Variants in SSBP2 observed in about 807,000 individuals in gnomAD.
The protein encoded by SSBP2 is single stranded DNA binding protein 2.
Under a neutral mutation model 61.8 loss-of-function variants are expected in SSBP2, and 17 were observed. That is an observed-to-expected ratio of 0.28 (90% CI 0.19 to 0.41). The LOEUF (loss-of-function observed/expected upper bound fraction) is 0.41, where lower values mean the gene tolerates loss of function less well. Among genes scored for constraint, SSBP2 ranks in the 10% least tolerant of loss-of-function variants. SSBP2 has a pLI of 1.00. For missense variants in SSBP2, 310 were observed against 458.7 expected, an observed-to-expected ratio of 0.68 and a Z score of 2.96; for synonymous variants, 139 against 141.3, an observed-to-expected ratio of 0.98 and a Z score of 0.12.
At chr5:81,637,663 C>G (rs433118) in intron 2 of SSBP2, among the ~76,000 whole-genome samples, 38,965 of 151,958 alleles carry the variant, frequency 0.26, 6,426 homozygotes, top group East Asian at 0.64. Flanking sequence ...TAATAGTCAC[C>G]TATATCACAA....
chr5:81,591,799 T>C (rs1163205597), intron 4 of SSBP2, among the ~76,000 whole-genome samples: 3 of 151,916 alleles, frequency 2.0e-5, no homozygotes, highest in Non-Finnish European at 2.9e-5. Flanking sequence ...TACAGGACAA[T>C]AGCAAACAGC....
chr5:81,677,423 C>A (rs1390184374), intron 1 of SSBP2, among the ~76,000 whole-genome samples: 6 of 151,984 alleles, frequency 3.9e-5, no homozygotes, highest in Non-Finnish European at 8.8e-5. Flanking sequence ...AACAAAAAAC[C>A]CTGAGCAGAA....
chr5:81,572,230 G>C (rs1042665355), intron 4 of SSBP2, among the ~76,000 whole-genome samples: 4 of 152,126 alleles, frequency 2.6e-5, no homozygotes, highest in African/African-American at 7.2e-5. Context: ...CTGAGTAATT[G>C]TAAGAATGTT....
chr5:81,628,941 T>G (rs1489077879), intron 3 of SSBP2, among the ~76,000 whole-genome samples: 1 of 152,150 alleles, frequency 6.6e-6, no homozygotes, highest in African/African-American at 2.4e-5. Flanking sequence ...TTCACCAACT[T>G]TTCCCCCGAG....
chr5:81,704,116 A>T (rs1182411053), intron 1 of SSBP2, among the ~76,000 whole-genome samples: 1 of 152,204 alleles, frequency 6.6e-6, no homozygotes, highest in Non-Finnish European at 1.5e-5. Flanking sequence ...AATGAGGTAC[A>T]GGGTTGGGGA....
rs1172082547 is a variant in SSBP2, at chr5:81,418,546, A to C, written c.*1958T>G. 1 of 152,236 alleles carries C rather than the reference A, an allele frequency of 6.6e-6. No homozygotes were observed. Among genetic ancestry groups the C allele is most frequent in the South Asian group, 2.1e-4 (1 of 4,832 alleles). 9.4% of individuals were successfully genotyped at this position (152,236 alleles called of 1,614,324 possible). On this transcript the variant is annotated 3_prime_UTR_variant, in exon 17 of 17. Coordinates refer to ENST00000320672, the MANE Select transcript of SSBP2 (RefSeq NM_012446.5). Reference sequence around the variant, plus strand: ...ATATGTTACTTAATGATAAGTATACATTCTGAGAAATGCATTGTCAGGCAA... The same window carrying C: ...ATATGTTACTTAATGATAAGTATACCTTCTGAGAAATGCATTGTCAGGCAA...
chr5:81,554,813 C>T (rs940181609), intron 4 of SSBP2, among the ~76,000 whole-genome samples: 1 of 151,982 alleles, frequency 6.6e-6, no homozygotes, highest in Admixed American at 6.6e-5. Context: ...TAATAAATAC[C>T]ATTCATGATG....
Position 81,508,107 on chromosome 5 carries a change from A to C in SSBP2, c.372+5521T>G, listed in dbSNP as rs1002566573. Among the ~76,000 whole-genome samples the C allele has an allele frequency of 5.9e-5, 9 of 152,296 alleles. No homozygotes were observed. The East Asian group carries it at 1.5e-3, about 26-fold the overall frequency. On this transcript the variant is annotated intron_variant, in intron 5 of 16. Transcript: ENST00000320672. ...TCTTAGCATACAATGAAATCTTTGA[A>C]TAAGACAGAGATATAAAAGAGTAAA...
intron 1 of SSBP2, among the ~76,000 whole-genome samples, chr5:81,701,775 T>G (rs1753999704): frequency 1.3e-5 from 2 of 152,168 alleles, no homozygotes; most frequent in Non-Finnish European, 2.9e-5. Context: ...GGACTGAACA[T>G]AATTATTTAC....
chr5:81,653,825 A>G (rs1435920765), intron 1 of SSBP2, among the ~76,000 whole-genome samples: 2 of 151,820 alleles, frequency 1.3e-5, no homozygotes, highest in Non-Finnish European at 2.9e-5. Context: ...TTCTTTGTAG[A>G]TTCTATATAT....
At chr5:81,556,620 T>C (rs1400217670) in intron 4 of SSBP2, among the ~76,000 whole-genome samples, 1 of 152,142 alleles carries the variant, frequency 6.6e-6, no homozygotes, top group Non-Finnish European at 1.5e-5. Context: ...TTACTTTTAC[T>C]ATGGATCCTA....
At chr5:81,750,140 C>A (rs950251685) in intron 1 of SSBP2, among the ~76,000 whole-genome samples, 1 of 152,016 alleles carries the variant, frequency 6.6e-6, no homozygotes, top group African/African-American at 2.4e-5. Context: ...ACGCCAGCCT[C>A]CTCCAGCGGA....
chr5:81,426,750 C>A (rs1761977681), intron 16 of SSBP2, among the ~76,000 whole-genome samples: 1 of 152,166 alleles, frequency 6.6e-6, no homozygotes, highest in African/African-American at 2.4e-5. Flanking sequence ...AATTGGTACC[C>A]CTCTTCCAAC....
intron 6 of SSBP2, among the ~76,000 whole-genome samples, chr5:81,475,747 A>T (rs919500992): frequency 6.6e-6 from 1 of 152,152 alleles, no homozygotes; most frequent in African/African-American, 2.4e-5. Flanking sequence ...TATTGCTGAC[A>T]TCATTTAGAT....
chr5:81,587,487 T>C (rs867706987), intron 4 of SSBP2, among the ~76,000 whole-genome samples: 2 of 152,134 alleles, frequency 1.3e-5, no homozygotes, highest in South Asian at 2.1e-4. Context: ...ATCCCAAAAC[T>C]TTGGGAGGCC....
chr5:81,489,321 A>C lies in SSBP2; in HGVS notation c.373-12T>G, dbSNP rs1216437975. ...GGTGACATAAAAGGCTATTGAAGTAAAACAAATAAACAAACAAAACAAAAA... is the reference window on the plus strand; with the variant it reads ...GGTGACATAAAAGGCTATTGAAGTACAACAAATAAACAAACAAAACAAAAA... On this transcript the variant is annotated splice_polypyrimidine_tract_variant and intron_variant, in intron 5 of 16. Coordinates refer to ENST00000320672, the MANE Select transcript of SSBP2 (RefSeq NM_012446.5). 1 of 1,593,560 alleles carries C rather than the reference A, an allele frequency of 6.3e-7. No homozygotes were observed.
chr5:81,713,362 G>C (rs902051376), intron 1 of SSBP2, among the ~76,000 whole-genome samples: 2 of 151,832 alleles, frequency 1.3e-5, no homozygotes, highest in African/African-American at 4.8e-5. Flanking sequence ...AAGACTTGGA[G>C]ATTTATTCTC....
rs1268325108 is a variant in SSBP2 at position 81,418,873 on chromosome 5, G to C, written c.*1631C>G. ...TATATCCTGCCAAATTTTCACTTTA[G>C]AGACTATAAGCCTAAAGGAAAGAGA... On this transcript the variant is annotated 3_prime_UTR_variant, in exon 17 of 17. Transcript: ENST00000320672. The C allele has an allele frequency of 1.3e-5, 2 of 152,216 alleles. No homozygotes were observed. The highest frequency in any genetic ancestry group is 4.1e-4 in the South Asian group (2 of 4,828). 9.4% of individuals were successfully genotyped at this position (152,216 alleles called of 1,614,324 possible).
At chr5:81,435,899 C>T (rs1475409593) in intron 15 of SSBP2, among the ~76,000 whole-genome samples, 1 of 152,010 alleles carries the variant, frequency 6.6e-6, no homozygotes, top group Non-Finnish European at 1.5e-5. Context: ...GTTAGAAATA[C>T]CTGAGATGCT....
Sources: allele counts gnomAD v4.1 joint callset (sites outside exome capture counted in the v4.1 genomes callset), GRCh38; gene constraint gnomAD v4.1.1; transcripts MANE v1.5; gene names NCBI Gene and HGNC (gene_info 2026-07-23, HGNC 2026-07-21).